Variants in MNS1 observed in about 807,000 individuals in gnomAD.
MNS1 encodes the protein meiosis-specific nuclear structural protein 1.
MNS1 carries 63 observed loss-of-function variants against 72.0 expected under a neutral mutation model. That is an observed-to-expected ratio of 0.87 (90% CI 0.71 to 1.08). MNS1 has a LOEUF of 1.08. Ranked by LOEUF, MNS1 falls within the 50% of genes least tolerant of loss-of-function variation. The pLI is 0.00. For missense variants in MNS1, 604 were observed against 562.4 expected, an observed-to-expected ratio of 1.07 and a Z score of -0.75; for synonymous variants, 188 against 172.1, an observed-to-expected ratio of 1.09 and a Z score of -0.72.
intron 7 of MNS1, among the ~76,000 whole-genome samples, chr15:56,437,972 A>C (rs1448920704): frequency 1.3e-5 from 2 of 152,240 alleles, no homozygotes; most frequent in Non-Finnish European, 2.9e-5. Flanking sequence ...AAGACGACAC[A>C]AACAAATGGA....
At chr15:56,457,673 G>T (rs2050989971) in intron 2 of MNS1, among the ~76,000 whole-genome samples, 2 of 152,006 alleles carry the variant, frequency 1.3e-5, no homozygotes, top group Non-Finnish European at 2.9e-5. Context: ...AATTAGCCAG[G>T]TGTGGTGGCA....
At chr15:56,461,660 CAAAA>C (rs11294380) in intron 2 of MNS1, among the ~76,000 whole-genome samples, 1 of 57,088 alleles carries the variant, frequency 1.8e-5, no homozygotes, top group Non-Finnish European at 3.2e-5. Context: ...GACTCTGTCT[CAAAA>C]AAAAAAAAAA....
In MNS1 at chr15:56,439,492, C is replaced by A. The variant is rs191915564; in HGVS notation, c.1011+3938G>T. On this transcript the variant is annotated intron_variant, in intron 7 of 9. Transcript: ENST00000260453. ...TGCCATATAGCTGCAGTATTCAAAA[C>A]TGTGTAGTATTGGTGGAGGGATGGA... Among the ~76,000 whole-genome samples the A allele has an allele frequency of 4.0e-3, 613 of 152,026 alleles. 17 individuals carry two copies. Among genetic ancestry groups the A allele is most frequent in the Admixed American group, 0.037 (569 of 15,266 alleles).
chr15:56,452,461 C>T lies in MNS1; in HGVS notation c.353+3933G>A, dbSNP rs147868505. Among the ~76,000 whole-genome samples the T allele has an allele frequency of 4.0e-3, 611 of 152,176 alleles. 17 individuals are homozygous for T. The highest frequency in any genetic ancestry group is 0.037 in the Admixed American group (567 of 15,292). Reference sequence around the variant, plus strand: ...CTCTACTTAGAACGTACCAATATTCCAGACTCCCAGAAAGAAAATGGGTAT... The same window carrying T: ...CTCTACTTAGAACGTACCAATATTCTAGACTCCCAGAAAGAAAATGGGTAT... On this transcript the variant is annotated intron_variant, in intron 3 of 9. Transcript: ENST00000260453.
intron 2 of MNS1, among the ~76,000 whole-genome samples, chr15:56,461,125 T>C (rs1323888776): frequency 6.6e-6 from 1 of 152,178 alleles, no homozygotes. Flanking sequence ...TATTCAGGCC[T>C]TCAACTGATC....
intron 7 of MNS1, among the ~76,000 whole-genome samples, chr15:56,441,119 C>T (rs1390613287): frequency 6.6e-6 from 1 of 151,976 alleles, no homozygotes; most frequent in Non-Finnish European, 1.5e-5. Context: ...TTTCTAATTT[C>T]CAATATTATT....
At chr15:56,440,083 A>T (rs2050793963) in intron 7 of MNS1, among the ~76,000 whole-genome samples, 1 of 152,156 alleles carries the variant, frequency 6.6e-6, no homozygotes, top group Non-Finnish European at 1.5e-5. Context: ...CAAACAACCC[A>T]ATTAGAGAAT....
chr15:56,431,349 C>G (rs778600366), intron 9 of MNS1, 24 bp downstream of exon 9: 1 of 1,606,758 alleles, frequency 6.2e-7, no homozygotes, highest in Admixed American at 1.7e-5. Flanking sequence ...ATGAAGATTA[C>G]AACTTGAGAT....
At chr15:56,454,123 G>A (rs1410098002) in intron 3 of MNS1, among the ~76,000 whole-genome samples, 3 of 152,014 alleles carry the variant, frequency 2.0e-5, no homozygotes, top group Admixed American at 2.0e-4. Context: ...TCAACTGAAT[G>A]ACTTTTAGTT....
chr15:56,459,662 CA>C (rs1217532085), intron 2 of MNS1, among the ~76,000 whole-genome samples: 2 of 151,902 alleles, frequency 1.3e-5, no homozygotes, highest in African/African-American at 4.8e-5. Flanking sequence ...AGAATTCTTA[CA>C]AACTAGAGGA....
At chr15:56,462,129 C>G (rs2051027742) in intron 2 of MNS1, among the ~76,000 whole-genome samples, 1 of 151,488 alleles carries the variant, frequency 6.6e-6, no homozygotes, top group African/African-American at 2.4e-5. Context: ...CTTGGCCTCC[C>G]AAAGTGCTAG....
At chr15:56,464,710 T>C (rs1332027488) in intron 1 of MNS1, among the ~76,000 whole-genome samples, 1 of 152,136 alleles carries the variant, frequency 6.6e-6, no homozygotes, top group Non-Finnish European at 1.5e-5. Flanking sequence ...TCCTACACTT[T>C]TATATCTACT....
intron 5 of MNS1, among the ~76,000 whole-genome samples, chr15:56,444,155 A>G (rs1290273197): frequency 2.0e-5 from 3 of 152,060 alleles, no homozygotes; most frequent in African/African-American, 7.2e-5. Context: ...TACCAAAAAA[A>G]TTTATCAGAA....
At chr15:56,434,765 G>C (rs1333392247) in intron 7 of MNS1, among the ~76,000 whole-genome samples, 2 of 152,008 alleles carry the variant, frequency 1.3e-5, no homozygotes, top group Non-Finnish European at 2.9e-5. Context: ...GCTTACAAAA[G>C]CTGTCCAAAC....
intron 7 of MNS1, among the ~76,000 whole-genome samples, chr15:56,440,761 C>T (rs2050803053): frequency 6.6e-6 from 1 of 152,136 alleles, no homozygotes; most frequent in Non-Finnish European, 1.5e-5. Context: ...TCCTGAGGCA[C>T]ATACTTTTAA....
intron 8 of MNS1, among the ~76,000 whole-genome samples, chr15:56,433,064 A>C (rs2050640393): frequency 6.6e-6 from 1 of 152,188 alleles, no homozygotes; most frequent in South Asian, 2.1e-4. Flanking sequence ...ACTTAAATCT[A>C]CATTTCCAAC....
intron 7 of MNS1, among the ~76,000 whole-genome samples, chr15:56,442,887 A>G (rs1303145735): frequency 4.6e-5 from 7 of 152,012 alleles, no homozygotes; most frequent in Non-Finnish European, 4.4e-5. Context: ...CTGAACCTAA[A>G]GTAAAAGTTG....
chr15:56,444,416 A>G (rs372539931), intron 5 of MNS1, 28 bp downstream of exon 5: 100 of 1,569,628 alleles, frequency 6.4e-5, no homozygotes, highest in Admixed American at 1.8e-4. Flanking sequence ...AAACATTTAG[A>G]CATGTAAGAA....
At chr15:56,463,342 C>T (rs1176867211) in intron 2 of MNS1, among the ~76,000 whole-genome samples, 4 of 152,032 alleles carry the variant, frequency 2.6e-5, no homozygotes, top group Non-Finnish European at 4.4e-5. Context: ...GTAGTAATTA[C>T]AGAGTTCATA....
Sources: gnomAD v4.1 joint callset for allele counts (sites outside exome capture counted in the v4.1 genomes callset) on GRCh38, gnomAD v4.1.1 for gene constraint, MANE v1.5 for transcripts, NCBI Gene and HGNC (gene_info 2026-07-23, HGNC 2026-07-21) for gene names.